RFX4: variants seen among roughly 807,000 people sequenced by gnomAD.
RFX4 encodes the protein regulatory factor X4.
Under a neutral mutation model 95.0 loss-of-function variants are expected in RFX4, and 10 were observed. The ratio of observed to expected loss-of-function variants is 0.11; its 90% CI spans 0.06 to 0.18. RFX4 has a LOEUF of 0.18. Ranked by LOEUF, RFX4 falls within the 10% of genes least tolerant of loss-of-function variation. The pLI is 1.00. For missense variants in RFX4, 640 were observed against 922.0 expected (o/e 0.69, Z 3.96); for synonymous variants, 321 against 340.7 (o/e 0.94, Z 0.64).
chr12:106,650,476 T>C (rs2040836826), intron 3 of RFX4, among the ~76,000 whole-genome samples: 1 of 152,208 alleles, frequency 6.6e-6, no homozygotes, highest in African/African-American at 2.4e-5. Context: ...CTCATGCCTG[T>C]AATCCCAGCA....
intron 4 of RFX4, among the ~76,000 whole-genome samples, chr12:106,675,184 A>T (rs555927640): frequency 1.3e-5 from 2 of 152,296 alleles, no homozygotes; most frequent in South Asian, 4.2e-4. Flanking sequence ...TAATCCCAGC[A>T]CTTTGGGAGG....
At chr12:106,727,481 G>A (rs1196158247) in intron 13 of RFX4, among the ~76,000 whole-genome samples, 1 of 152,092 alleles carries the variant, frequency 6.6e-6, no homozygotes, top group Non-Finnish European at 1.5e-5. Flanking sequence ...CCTAGCCAAT[G>A]CCTTAAGAAA....
chr12:106,613,931 C>T (rs976815045), intron 2 of RFX4, among the ~76,000 whole-genome samples: 1 of 152,132 alleles, frequency 6.6e-6, no homozygotes, highest in African/African-American at 2.4e-5. Context: ...TTAGTAGATA[C>T]TGCCGAAACA....
At chr12:106,677,115 T>C (rs920693622) in intron 4 of RFX4, among the ~76,000 whole-genome samples, 5 of 152,106 alleles carry the variant, frequency 3.3e-5, no homozygotes, top group African/African-American at 1.2e-4. Flanking sequence ...ACATGTAAAG[T>C]GGTTAGCACA....
At position 106,640,793 on chromosome 12, in the gene RFX4, T is replaced by TC. The variant is rs1313772389; in HGVS notation, c.191+1401_191+1402insC. Among the ~76,000 whole-genome samples, 60 of 150,498 alleles carry TC rather than the reference T, an allele frequency of 4.0e-4. 3 individuals carry two copies. The East Asian group carries it at 0.01, about 26-fold the overall frequency. ...AATTGACAGACTTTTTTTTTTTTTTTTTTTTGAGGTGGAGTCTCACTCTGT... is the reference window on the plus strand; with the variant it reads ...AATTGACAGACTTTTTTTTTTTTTTTCTTTTTGAGGTGGAGTCTCACTCTGT... On this transcript the variant is annotated intron_variant, in intron 3 of 17. Transcript: ENST00000392842.
At position 106,695,870 on chromosome 12, in the gene RFX4, T is replaced by C. The variant is rs145765905; in HGVS notation, c.670-413T>C. Among the ~76,000 whole-genome samples, 1,047 of 152,286 alleles carry C rather than the reference T, an allele frequency of 6.9e-3. 13 individuals carry two copies. Among genetic ancestry groups the C allele is most frequent in the African/African-American group, 0.024 (982 of 41,568 alleles). ...CATACCTTTCCCTTCCTTCCCAGAA[T>C]ACCCAGGGGCCCCTGAGGTTCAGTG... On this transcript the variant is annotated intron_variant, in intron 7 of 17. Coordinates refer to ENST00000392842, the MANE Select transcript of RFX4 (RefSeq NM_213594.3).
chr12:106,608,688 A>T, intron 1 of RFX4, 109 bp from the exon 2 acceptor site: 1 of 1,015,776 alleles, frequency 9.8e-7, no homozygotes, highest in African/African-American at 1.6e-5. Flanking sequence ...ATGAGCATTT[A>T]AATCTAATGC....
At chr12:106,698,223 C>T (rs925777959) in intron 8 of RFX4, among the ~76,000 whole-genome samples, 1 of 152,054 alleles carries the variant, frequency 6.6e-6, no homozygotes, top group African/African-American at 2.4e-5. Flanking sequence ...ATCCAACCGC[C>T]TCAGCCTCCC....
intron 1 of RFX4, among the ~76,000 whole-genome samples, chr12:106,583,945 A>T (rs913784750): frequency 6.6e-6 from 1 of 152,170 alleles, no homozygotes; most frequent in Non-Finnish European, 1.5e-5. Context: ...GGGAGGTGGG[A>T]GTCCTGGGCT....
At chr12:106,620,295 A>C (rs1158966486) in intron 2 of RFX4, among the ~76,000 whole-genome samples, 1 of 152,152 alleles carries the variant, frequency 6.6e-6, no homozygotes, top group Admixed American at 6.6e-5. Flanking sequence ...TCTATTTTCC[A>C]TAAGTGTCGG....
At chr12:106,700,530 C>CCAA (rs2041967400) in intron 8 of RFX4, among the ~76,000 whole-genome samples, 1 of 150,730 alleles carries the variant, frequency 6.6e-6, no homozygotes, top group African/African-American at 2.4e-5. Context: ...CCTCAGCCTC[C>CCAA]CGAGTAGCTG....
At position 106,736,769 on chromosome 12, in the gene RFX4, C is replaced by T. The variant is rs1217897483; in HGVS notation, c.1633+3684C>T. On this transcript the variant is annotated intron_variant, in intron 15 of 17. Transcript: ENST00000392842. ...GACTGATCTGTTCCTTCCCATCCCA[C>T]TTGTGCCTCTGGTTCAGGCCACCCC... Among the ~76,000 whole-genome samples the T allele has an allele frequency of 2.0e-5, 3 of 152,180 alleles. No homozygotes were observed. The East Asian group carries it at 5.8e-4, about 29-fold the overall frequency.
chr12:106,735,697 T>G (rs1011733651), intron 15 of RFX4, among the ~76,000 whole-genome samples: 1 of 54,906 alleles, frequency 1.8e-5, no homozygotes, highest in African/African-American at 1.0e-4. Context: ...CACACATGTA[T>G]TTTTTTTTCC....
chr12:106,687,955 AAAG>A (rs1449823463), intron 6 of RFX4, among the ~76,000 whole-genome samples: 2 of 152,326 alleles, frequency 1.3e-5, no homozygotes, highest in South Asian at 2.1e-4. Flanking sequence ...TCTAACAGTC[AAAG>A]AAGATTTTAT....
chr12:106,700,762 T>C (rs1218919803), intron 8 of RFX4, among the ~76,000 whole-genome samples: 1 of 152,238 alleles, frequency 6.6e-6, no homozygotes, highest in Non-Finnish European at 1.5e-5. Context: ...CTGCTTCACA[T>C]GTAGTGTAAG....
At chr12:106,681,902 T>A in intron 4 of RFX4, 91 bp from the exon 5 acceptor site, 5 of 1,354,730 alleles carry the variant, frequency 3.7e-6, no homozygotes, top group Non-Finnish European at 5.3e-6. Flanking sequence ...ACCTATGTTT[T>A]CCTCCCTTCT....
intron 14 of RFX4, among the ~76,000 whole-genome samples, chr12:106,732,722 A>C (rs1447123116): frequency 6.6e-6 from 1 of 152,092 alleles, no homozygotes; most frequent in Admixed American, 6.5e-5. Context: ...TAAATAAATA[A>C]ATAAATAAAC....
In RFX4 at chr12:106,672,251, T is replaced by G. The variant is rs538510618; in HGVS notation, c.316-9742T>G. On this transcript the variant is annotated intron_variant, in intron 4 of 17. Coordinates refer to ENST00000392842, the MANE Select transcript of RFX4 (RefSeq NM_213594.3). Reference sequence around the variant, plus strand: ...TGGGGAGGAGAACGGACAGGGGAGATGAGTGACATGGCCACCACCACCTAA... The same window carrying G: ...TGGGGAGGAGAACGGACAGGGGAGAGGAGTGACATGGCCACCACCACCTAA... 7.2e-5 allele frequency among the ~76,000 whole-genome samples: 11 copies of G among 152,096 alleles called. No individual in the cohort carries two copies. The South Asian group carries it at 2.3e-3, about 32-fold the overall frequency.
intron 4 of RFX4, among the ~76,000 whole-genome samples, chr12:106,670,050 C>A (rs1429935821): frequency 1.3e-5 from 2 of 151,978 alleles, no homozygotes; most frequent in Non-Finnish European, 2.9e-5. Flanking sequence ...AGAACTGTTG[C>A]GATAATGACT....
Sources: gnomAD v4.1 joint callset for allele counts (sites outside exome capture counted in the v4.1 genomes callset) on GRCh38, gnomAD v4.1.1 for gene constraint, MANE v1.5 for transcripts, NCBI Gene and HGNC (gene_info 2026-07-23, HGNC 2026-07-21) for gene names.